The following FGL1 variants were observed in gnomAD, a reference collection of about 807,000 sequenced individuals.
FGL1 encodes fibrinogen-like protein 1.
FGL1 carries 59 observed loss-of-function variants against 43.7 expected under a neutral mutation model. That is an observed-to-expected ratio of 1.35 (90% CI 1.10 to 1.68). FGL1 has a LOEUF of 1.68. Ranked by LOEUF, FGL1 falls within the 40% of genes most tolerant of loss-of-function variation. FGL1 has a pLI of 0.00. For missense variants in FGL1, 596 were observed against 373.0 expected, an observed-to-expected ratio of 1.60 and a Z score of -4.92; for synonymous variants, 192 against 126.5, an observed-to-expected ratio of 1.52 and a Z score of -3.48.
intron 3 of FGL1, among the ~76,000 whole-genome samples, 195 bp downstream of exon 3, chr8:17,881,804 T>C (rs1030276703): frequency 4.8e-5 from 7 of 146,956 alleles, no homozygotes; most frequent in Admixed American, 6.9e-5. Flanking sequence ...ACTGCACTCC[T>C]GCCTGGGCGA....
chr8:17,879,229 G>C (rs1390439025), intron 3 of FGL1, among the ~76,000 whole-genome samples: 1 of 151,700 alleles, frequency 6.6e-6, no homozygotes, highest in Non-Finnish European at 1.5e-5. Flanking sequence ...ATCTCTATAT[G>C]ACTCTTCTAA....
In FGL1 at chr8:17,874,382, A is replaced by G. The variant is rs775315817; in HGVS notation, c.384T>C (p.Asp128=). 6.8e-6 allele frequency: 11 copies of G among 1,613,528 alleles called. No individual in the cohort carries two copies. In the East Asian group the frequency reaches 8.9e-5, roughly 13 times the overall value. ...GGWTVIQRRS[D]GSENFNRGWK... The stretch of plus-strand genomic sequence containing the variant: ...CACACCTGTTAAAGTTTTCACTGCC[A>G]TCAGATCGTCTCTGAATTACAGTCC... The change falls in exon 4 of 8, where the codon GAT becomes GAC. Residue 128 remains aspartate (D), a synonymous_variant. Coordinates refer to ENST00000427924, the MANE Select transcript of FGL1 (RefSeq NM_004467.4).
chr8:17,882,325 G>A, intron 2 of FGL1, 146 bp from the exon 3 acceptor site: 1 of 728,072 alleles, frequency 1.4e-6, no homozygotes, highest in Non-Finnish European at 2.1e-6. Context: ...GGCTTGAAAA[G>A]TTCTAATACT....
chr8:17,868,860 A>G, intron 6 of FGL1, 56 bp downstream of exon 6: 1 of 1,471,058 alleles, frequency 6.8e-7, no homozygotes, highest in Non-Finnish European at 9.3e-7. Flanking sequence ...CTCCAGGGTT[A>G]TATTGCACAT....
intron 7 of FGL1, among the ~76,000 whole-genome samples, chr8:17,865,856 A>G (rs1040797372): frequency 6.6e-6 from 1 of 151,812 alleles, no homozygotes; most frequent in Admixed American, 6.5e-5. Context: ...CTACCCGTAA[A>G]GGCTGAGTGG....
chr8:17,871,969 A>G (rs2653409), intron 5 of FGL1, among the ~76,000 whole-genome samples: 109,157 of 152,032 alleles, frequency 0.72, 39,998 homozygotes, highest in Non-Finnish European at 0.79. Context: ...TGGGGTTTTC[A>G]TAGTTTCAAT....
rs2053237570 is a variant in FGL1, at chr8:17,864,410, T to C, written c.*182A>G. Reference sequence around the variant, plus strand: ...TAAATATTAACACAGTCTACATTTATTTGGTGAATATTGCATATCTGCTGT... The same window carrying C: ...TAAATATTAACACAGTCTACATTTACTTGGTGAATATTGCATATCTGCTGT... On this transcript the variant is annotated 3_prime_UTR_variant, in exon 8 of 8. Transcript: ENST00000427924. The C allele has an allele frequency of 1.8e-6, 1 of 571,106 alleles. No individual in the cohort carries two copies. Among genetic ancestry groups the C allele is most frequent in the East Asian group, 3.0e-5 (1 of 32,836 alleles). 35.4% of individuals were successfully genotyped at this position (571,106 alleles called of 1,614,324 possible).
chr8:17,881,581 C>A (rs972868309), intron 3 of FGL1, among the ~76,000 whole-genome samples: 1 of 151,446 alleles, frequency 6.6e-6, no homozygotes, highest in Non-Finnish European at 1.5e-5. Flanking sequence ...CGCCTGTAAT[C>A]CCAGCACTTT....
chr8:17,895,246 T>TTGTATATC (rs1400200487), intron 1 of FGL1: 2 of 945,048 alleles, frequency 2.1e-6, no homozygotes, highest in Non-Finnish European at 2.6e-6. Context: ...ATCTGTATAT[T>TTGTATATC]TGTATATCTG....
intron 1 of FGL1, among the ~76,000 whole-genome samples, chr8:17,894,600 A>G (rs1436683783): frequency 6.8e-6 from 1 of 146,976 alleles, no homozygotes; most frequent in East Asian, 1.9e-4. Context: ...TTTTATACTG[A>G]AACTGTAAAC....
chr8:17,870,294 C>A (rs1310304160), intron 5 of FGL1, among the ~76,000 whole-genome samples: 1 of 151,974 alleles, frequency 6.6e-6, no homozygotes, highest in African/African-American at 2.4e-5. Flanking sequence ...ATAATTGCTA[C>A]CTTCAAGTAA....
At chr8:17,888,030 G>C (rs2053654400) in intron 1 of FGL1, among the ~76,000 whole-genome samples, 1 of 151,922 alleles carries the variant, frequency 6.6e-6, no homozygotes, top group African/African-American at 2.4e-5. Context: ...AGAAATAGTA[G>C]TCTTAGGCCC....
rs35019537 is a variant in FGL1, at chr8:17,881,990, C to T, written c.244+9G>A. On this transcript the variant is annotated intron_variant, in intron 3 of 7. Transcript: ENST00000427924. ...GTTATAGAAACACTTAAGAAAAGTC[C>T]ATTCTGACCTGCATACTGCCTCTTG... is the stretch of plus-strand genomic sequence containing the variant. 4,083 of 1,610,644 alleles carry T rather than the reference C, an allele frequency of 2.5e-3. 97 individuals are homozygous for T. In the African/African-American group the frequency reaches 0.05, roughly 20 times the overall value.
At chr8:17,879,266 C>G (rs2053500438) in intron 3 of FGL1, among the ~76,000 whole-genome samples, 1 of 151,968 alleles carries the variant, frequency 6.6e-6, no homozygotes, top group South Asian at 2.1e-4. Flanking sequence ...TAATCCTGCT[C>G]TGACCTTGGC....
intron 3 of FGL1, among the ~76,000 whole-genome samples, chr8:17,875,096 T>A (rs2053424982): frequency 6.6e-6 from 1 of 152,226 alleles, no homozygotes; most frequent in Admixed American, 6.5e-5. Context: ...ACACCAAAGT[T>A]ACTACAGGTT....
intron 5 of FGL1, 124 bp downstream of exon 5, chr8:17,873,895 T>A (rs1477652452): frequency 3.5e-6 from 2 of 563,972 alleles, no homozygotes; most frequent in Admixed American, 8.3e-5. Context: ...CCAAAAGTTA[T>A]CACTGCCATC....
At chr8:17,865,450 C>A (rs17125754) in intron 7 of FGL1, among the ~76,000 whole-genome samples, 6,779 of 152,184 alleles carry the variant, frequency 0.045, 522 homozygotes, top group African/African-American at 0.15. Context: ...AATTGCTAGC[C>A]TATCAGTTAT....
Position 17,882,023 on chromosome 8 carries a change from G to A in FGL1, c.220C>T (p.Leu74Phe). 1 of 1,613,820 alleles carries A rather than the reference G, an allele frequency of 6.2e-7. No homozygotes were observed. The highest frequency in any genetic ancestry group is 8.5e-7 in the Non-Finnish European group (1 of 1,179,888). ...DKGDENTVIDLGSKRQYADCS... is the reference protein window; with the variant it reads ...DKGDENTVIDFGSKRQYADCS... The stretch of plus-strand genomic sequence containing the variant: ...CCTGCATACTGCCTCTTGCTTCCAA[G>A]ATCAATGACAGTATTCTCATCTCCT... Residue 74 changes from leucine to phenylalanine, a missense_variant, in exon 3 of 8, where the codon CTT becomes TTT. Transcript: ENST00000427924.
chr8:17,867,574 C>T (rs2053288983), intron 7 of FGL1, among the ~76,000 whole-genome samples: 2 of 152,132 alleles, frequency 1.3e-5, no homozygotes, highest in African/African-American at 4.8e-5. Context: ...AGCTCTTGTG[C>T]TTTGGGACCA....
Sources: allele counts gnomAD v4.1 joint callset (sites outside exome capture counted in the v4.1 genomes callset), GRCh38; gene constraint gnomAD v4.1.1; transcripts MANE v1.5; gene names NCBI Gene and HGNC (gene_info 2026-07-23, HGNC 2026-07-21).